The following PBDC1 variants were observed in gnomAD, a reference collection of about 807,000 sequenced individuals.
The protein encoded by PBDC1 is polysaccharide biosynthesis domain containing 1, also known as protein PBDC1.
A neutral mutation model predicts 12.0 loss-of-function variants in PBDC1; 3 were observed. That is an observed-to-expected ratio of 0.25 (90% CI 0.11 to 0.64). PBDC1 has a LOEUF of 0.64. Among genes scored for constraint, PBDC1 ranks in the 30% least tolerant of loss-of-function variants. The probability of loss-of-function intolerance (pLI) is 0.84; values close to 1 mark genes in which losing one functional copy is unlikely to be tolerated. For synonymous variants in PBDC1, 64 were observed against 56.4 expected, an observed-to-expected ratio of 1.13 and a Z score of -0.60; for missense variants, 162 against 168.1, an observed-to-expected ratio of 0.96 and a Z score of 0.20.
rs371947297 is a variant in PBDC1 at position 76,177,859 on chromosome X, G to A, written c.653G>A (p.Gly218Glu). Reference protein sequence around the residue: ...EDKTDKGGEKGKEADKEINKS... With the variant: ...EDKTDKGGEKEKEADKEINKS... ...AAAACTGACAAAGGAGGAGAAAAAG[G>A]GAAAGAAGCTGACAAAGAAATCAAC... The change falls in exon 6 of 6, where the codon GGG becomes GAG. Residue 218 changes from glycine (G) to glutamate (E), a missense_variant. Gly to Glu is a moderately conservative substitution (Grantham distance 98). Coordinates refer to ENST00000373358, the MANE Select transcript of PBDC1 (RefSeq NM_016500.5). 1.2e-5 allele frequency: 14 copies of A among 1,208,494 alleles called. No individual in the cohort carries two copies. In the African/African-American group the frequency reaches 1.8e-4, roughly 15 times the overall value.
At chrX:76,173,329 G>A (rs782649210) in intron 1 of PBDC1, among the ~76,000 whole-genome samples, 161 bp downstream of exon 1, 1 of 110,492 alleles carries the variant, frequency 9.1e-6, no homozygotes, top group Non-Finnish European at 1.9e-5. Flanking sequence ...CAGATCTTCC[G>A]CCCACCTCAT....
At chrX:76,173,397 AT>A (rs1924707294) in intron 1 of PBDC1, among the ~76,000 whole-genome samples, 187 bp from the exon 2 acceptor site, 1 of 109,995 alleles carries the variant, frequency 9.1e-6, no homozygotes, top group Non-Finnish European at 1.9e-5. Flanking sequence ...CATTTTTTGT[AT>A]TTTTTGTAGA....
intron 4 of PBDC1, 24 bp from the exon 5 acceptor site, chrX:76,176,856 TA>T (rs781924747): frequency 9.5e-7 from 1 of 1,054,865 alleles, no homozygotes; most frequent in Non-Finnish European, 1.3e-6. Context: ...ATTTGTCAGC[TA>T]AAGCATCGTT....
Position 76,177,761 on chromosome X carries a change from G to A in PBDC1, c.555G>A (p.Glu185=), listed in dbSNP as rs1556797115. The A allele has an allele frequency of 1.7e-6, 2 of 1,206,636 alleles. No homozygotes were observed. Among genetic ancestry groups the A allele is most frequent in the Non-Finnish European group, 1.1e-6 (1 of 893,501 alleles). The change falls in exon 6 of 6, where the codon GAG becomes GAA. Residue 185 remains glutamate, a synonymous_variant. Coordinates refer to ENST00000373358, the MANE Select transcript of PBDC1 (RefSeq NM_016500.5). Reference sequence around the variant, plus strand: ...AAAGAGCTGACAGTGGAGAAGAAGAGAACACCAAGAATGGAGGAGAGAAAG... The same window carrying A: ...AAAGAGCTGACAGTGGAGAAGAAGAAAACACCAAGAATGGAGGAGAGAAAG... ...GEKRADSGEE[E]NTKNGGEKGA...
chrX:76,177,590 G>A (rs1361664457), intron 5 of PBDC1, 26 bp from the exon 6 acceptor site: 4 of 1,146,489 alleles, frequency 3.5e-6, no homozygotes, highest in Non-Finnish European at 4.6e-6. Context: ...AGAGTAGGAT[G>A]ATAATCAATT....
Position 76,173,437 on chromosome X carries a change from G to A in PBDC1, c.31-148G>A, listed in dbSNP as rs202022808. 8.1e-4 allele frequency: 360 copies of A among 446,720 alleles called. 4 individuals are homozygous for A. In the East Asian group the frequency reaches 0.014, roughly 17 times the overall value. 36.8% of individuals were successfully genotyped at this position (446,720 alleles called of 1,213,427 possible). ...GGGGTTTCGCCATGTTGCCCAGGCT[G>A]GTCTCAAACTCCTGGGCTCAGGCGA... On this transcript the variant is annotated intron_variant, in intron 1 of 5. Transcript: ENST00000373358.
chrX:76,173,208 A>G, intron 1 of PBDC1, 40 bp downstream of exon 1: 1 of 1,077,266 alleles, frequency 9.3e-7, no homozygotes, highest in Non-Finnish European at 1.2e-6. Context: ...GGGGAGGTCG[A>G]GCCAGGTGGA....
chrX:76,174,776 A>G, intron 2 of PBDC1, 114 bp from the exon 3 acceptor site: 1 of 563,994 alleles, frequency 1.8e-6, no homozygotes, highest in Non-Finnish European at 3.1e-6. Flanking sequence ...TGACAGTAAC[A>G]TCAAGTTTGG....
rs1424531076 is a variant in PBDC1, at chrX:76,173,085, C to T, written c.-54C>T. 1.7e-6 allele frequency: 2 copies of T among 1,147,583 alleles called. No individual in the cohort carries two copies. Among genetic ancestry groups the T allele is most frequent in the East Asian group, 6.5e-5 (2 of 30,811 alleles). 94.6% of individuals were successfully genotyped at this position (1,147,583 alleles called of 1,213,427 possible). A position where few individuals can be genotyped will look rare whatever the true frequency, so the allele number is the denominator to read the frequency against. On this transcript the variant is annotated 5_prime_UTR_variant, in exon 1 of 6. Transcript: ENST00000373358. ...CCGCCAGTTGAGAAGGACTCTGATCCGGCTCAGCTTTCCAATCAGCTGCGG... is the reference window on the plus strand; with the variant it reads ...CCGCCAGTTGAGAAGGACTCTGATCTGGCTCAGCTTTCCAATCAGCTGCGG...
intron 2 of PBDC1, among the ~76,000 whole-genome samples, chrX:76,174,289 G>C (rs1292129643): frequency 9.0e-6 from 1 of 111,414 alleles, no homozygotes. Context: ...AGGCATGGAG[G>C]TAACAAATGC....
Position 76,177,909 on chromosome X carries a change from G to A in PBDC1, c.*1G>A. 8.3e-7 allele frequency: 1 copy of A among 1,210,351 alleles called. No individual in the cohort carries two copies. Among genetic ancestry groups the A allele is most frequent in the Non-Finnish European group, 1.1e-6 (1 of 894,583 alleles). On this transcript the variant is annotated 3_prime_UTR_variant, in exon 6 of 6. Transcript: ENST00000373358. Reference sequence around the variant, plus strand: ...CAAAAGTGGTGAAAAAGCTATGTAAGGTATACAGGGAACAGCACTCTAGAA... The same window carrying A: ...CAAAAGTGGTGAAAAAGCTATGTAAAGTATACAGGGAACAGCACTCTAGAA...
Position 76,175,485 on chromosome X carries a change from G to C in PBDC1, c.169G>C (p.Val57Leu). 1 of 1,208,935 alleles carries C rather than the reference G, an allele frequency of 8.3e-7. No homozygotes were observed. Among genetic ancestry groups the C allele is most frequent in the Non-Finnish European group, 1.1e-6 (1 of 893,476 alleles). The change falls in exon 4 of 6, where the codon GTT becomes CTT. Residue 57 changes from valine (V) to leucine (L), a missense_variant. This residue lies in a region of PBDC1 where 21 missense variants were observed against 43.4 expected (regional missense o/e 0.48). Transcript: ENST00000373358. ...AEVYYKLISS[V>L]DPQFLKLTKV... Reference sequence around the variant, plus strand: ...TACTGTTTCGCAGCTGATTTCATCAGTTGACCCACAGTTCCTGAAACTCAC... The same window carrying C: ...TACTGTTTCGCAGCTGATTTCATCACTTGACCCACAGTTCCTGAAACTCAC...
rs782437676 is a variant in PBDC1 at position 76,173,115 on chromosome X, A to C, written c.-24A>C. 9 of 1,171,866 alleles carry C rather than the reference A, an allele frequency of 7.7e-6. No homozygotes were observed. The East Asian group carries it at 2.8e-4, about 37-fold the overall frequency. On this transcript the variant is annotated 5_prime_UTR_variant, in exon 1 of 6. Coordinates refer to ENST00000373358, the MANE Select transcript of PBDC1 (RefSeq NM_016500.5). ...CAGCTTTCCAATCAGCTGCGGAAGGAGCCACGCTTTCGGGGGTTGCAAGAT... is the reference window on the plus strand; with the variant it reads ...CAGCTTTCCAATCAGCTGCGGAAGGCGCCACGCTTTCGGGGGTTGCAAGAT...
Position 76,173,155 on chromosome X carries a change from G to T in PBDC1, c.17G>T (p.Gly6Val). 5 of 1,179,109 alleles carry T rather than the reference G, an allele frequency of 4.2e-6. No homozygotes were observed. The highest frequency in any genetic ancestry group is 5.7e-6 in the Non-Finnish European group (5 of 878,628). The change falls in exon 1 of 6, where the codon GGA becomes GTA. Residue 6 changes from glycine (G) to valine (V), a missense_variant. Physicochemically the swap from Gly to Val is moderately radical, Grantham distance 109. Transcript: ENST00000373358. MAATS[G>V]TDEPVSGELV... ...GGTTGCAAGATGGCGGCCACCAGTG[G>T]AACTGATGAGCCGGTGAGACGCTGT...
chrX:76,177,525 C>A, intron 5 of PBDC1, 91 bp from the exon 6 acceptor site: 3 of 873,735 alleles, frequency 3.4e-6, no homozygotes, highest in Non-Finnish European at 4.8e-6. Flanking sequence ...CAGTCCAGCC[C>A]TGGTCATCAG....
chrX:76,176,944 C>A lies in PBDC1; in HGVS notation c.361C>A (p.Leu121Met). The A allele has an allele frequency of 8.3e-7, 1 of 1,206,309 alleles. No homozygotes were observed. The highest frequency in any genetic ancestry group is 3.0e-5 in the East Asian group (1 of 33,727). The change falls in exon 5 of 6, where the codon CTG becomes ATG. Residue 121 changes from leucine to methionine, a missense_variant. Leu to Met is a conservative substitution (Grantham distance 15). Transcript: ENST00000373358. ...TGAAGACTTCAACTATGGTACTTTG[C>A]TGCGACTAGATTGTTCTCAGGGCTA... Reference protein sequence around the residue: ...IVEDFNYGTLLRLDCSQGYTE... With the variant: ...IVEDFNYGTLMRLDCSQGYTE...
At position 76,174,967 on chromosome X, in the gene PBDC1, A is replaced by G. The variant is rs782359630; in HGVS notation, c.156+18A>G. The G allele has an allele frequency of 2.7e-6, 3 of 1,118,732 alleles. No individual in the cohort carries two copies. Among genetic ancestry groups the G allele is most frequent in the Non-Finnish European group, 3.7e-6 (3 of 810,524 alleles). The allele number at this position is 1,118,732 out of a possible 1,213,427, so 92.2% of individuals were successfully genotyped here. On this transcript the variant is annotated intron_variant, in intron 3 of 5. Coordinates refer to ENST00000373358, the MANE Select transcript of PBDC1 (RefSeq NM_016500.5). ...ATTACAAGGTGAGTTGTCTTTCTTC[A>G]TCATTAAGCAGAATTAAACATGTAA...
At chrX:76,174,675 T>G (rs1215186412) in intron 2 of PBDC1, among the ~76,000 whole-genome samples, 1 of 112,254 alleles carries the variant, frequency 8.9e-6, no homozygotes, top group Non-Finnish European at 1.9e-5. Flanking sequence ...GGTGGCTCAT[T>G]GTGTTCATTA....
rs1556796633 is a variant in PBDC1, at chrX:76,173,576, C to T, written c.31-9C>T. On this transcript the variant is annotated splice_polypyrimidine_tract_variant and intron_variant, in intron 1 of 5. Transcript: ENST00000373358. ...GGGGGAGCCTTGAACTCTTTTTCCT[C>T]CTTTCTAGGTTTCCGGGGAGTTGGT... The T allele has an allele frequency of 3.4e-6, 4 of 1,188,581 alleles. No homozygotes were observed. The South Asian group carries it at 7.6e-5, about 22-fold the overall frequency.
Sources: allele counts gnomAD v4.1 joint callset (sites outside exome capture counted in the v4.1 genomes callset), GRCh38; gene constraint gnomAD v4.1.1; regional missense constraint gnomAD v4.1.1; transcripts MANE v1.5; gene names NCBI Gene and HGNC (gene_info 2026-07-23, HGNC 2026-07-21).